The following PROM1 variants were observed in gnomAD, a reference collection of about 807,000 sequenced individuals.
The protein encoded by PROM1 is prominin-1.
Under a neutral mutation model 116.9 loss-of-function variants are expected in PROM1, and 105 were observed. The observed-to-expected ratio is 0.90, with a 90% CI of 0.77 to 1.06. PROM1 has a LOEUF of 1.06. PROM1 is among the 50% of genes least tolerant of loss of function. The pLI is 0.00. For synonymous variants in PROM1, 393 were observed against 387.0 expected (o/e 1.02, Z -0.18); for missense variants, 1,122 against 1,045.2 (o/e 1.07, Z -1.01).
At chr4:16,040,924 A>G (rs997654603) in intron 2 of PROM1, among the ~76,000 whole-genome samples, 4 of 152,330 alleles carry the variant, frequency 2.6e-5, no homozygotes, top group Admixed American at 2.6e-4. Flanking sequence ...AAACAAAAAC[A>G]AAATGAAAAA....
At chr4:16,031,352 A>T (rs950332419) in intron 5 of PROM1, among the ~76,000 whole-genome samples, 1 of 152,022 alleles carries the variant, frequency 6.6e-6, no homozygotes, top group Non-Finnish European at 1.5e-5. Context: ...GCTTACAGGA[A>T]ACACACCAGG....
intron 3 of PROM1, among the ~76,000 whole-genome samples, chr4:16,037,200 C>T (rs547383570): frequency 6.6e-6 from 1 of 152,280 alleles, no homozygotes; most frequent in East Asian, 1.9e-4. Context: ...GGCATTCGGG[C>T]TGGCTAAGCA....
At chr4:15,999,077 T>C (rs994322776) in intron 14 of PROM1, among the ~76,000 whole-genome samples, 5 of 151,962 alleles carry the variant, frequency 3.3e-5, no homozygotes, top group South Asian at 2.1e-4. Context: ...ACATTATAAA[T>C]AGAAGCAGAG....
In PROM1 at chr4:16,033,382, T is replaced by C. The variant is rs780085969; in HGVS notation, c.431A>G (p.His144Arg). The C allele has an allele frequency of 1.9e-6, 3 of 1,613,938 alleles. No homozygotes were observed. In the South Asian group the frequency reaches 3.3e-5, roughly 18 times the overall value. ...RCCNKCGGEM[H>R]QRQKENGPFL... is the part of the protein sequence containing the mutation. ...GGGCCCATTTTCCTTCTGTCGCTGG[T>C]GCATTTCTCCACCACATTTGTTACA... Residue 144 changes from histidine (H) to arginine (R), a missense_variant, in exon 5 of 28, where the codon CAC (histidine) becomes CGC (arginine). Coordinates refer to ENST00000447510, the MANE Select transcript of PROM1 (RefSeq NM_006017.3).
At chr4:16,073,515 A>G (rs1447053513) in intron 2 of PROM1, among the ~76,000 whole-genome samples, 2 of 152,218 alleles carry the variant, frequency 1.3e-5, no homozygotes, top group Non-Finnish European at 2.9e-5. Flanking sequence ...ACTAGGTGAA[A>G]GAATACAAAT....
At chr4:15,973,097 A>G (rs1360987728) in intron 26 of PROM1, among the ~76,000 whole-genome samples, 2 of 152,168 alleles carry the variant, frequency 1.3e-5, no homozygotes, top group East Asian at 3.8e-4. Flanking sequence ...TTTATGTAGC[A>G]TTCCCCGGGA....
chr4:15,977,071 G>A (rs1310536152), intron 26 of PROM1, among the ~76,000 whole-genome samples: 2 of 152,312 alleles, frequency 1.3e-5, no homozygotes, highest in Admixed American at 6.5e-5. Context: ...GCTTTGGCAG[G>A]CCAACCTTGA....
chr4:15,996,758 T>G (rs1464190568), intron 15 of PROM1, among the ~76,000 whole-genome samples: 2 of 152,168 alleles, frequency 1.3e-5, no homozygotes, highest in Non-Finnish European at 2.9e-5. Flanking sequence ...CTAAGCTATA[T>G]AATAACGCTA....
At chr4:16,018,146 C>G (rs1183837431) in intron 9 of PROM1, among the ~76,000 whole-genome samples, 177 bp downstream of exon 9, 1 of 152,148 alleles carries the variant, frequency 6.6e-6, no homozygotes, top group East Asian at 1.9e-4. Flanking sequence ...TACTCCTTTG[C>G]TCCTGCTGTG....
intron 2 of PROM1, among the ~76,000 whole-genome samples, chr4:16,065,376 C>A (rs1393296991): frequency 6.6e-6 from 1 of 152,222 alleles, no homozygotes; most frequent in Non-Finnish European, 1.5e-5. Flanking sequence ...CTCTTCCACA[C>A]ACTCATAGCT....
At chr4:15,989,672 A>G (rs929639559) in intron 19 of PROM1, 60 bp downstream of exon 19, 20 of 1,373,136 alleles carry the variant, frequency 1.5e-5, no homozygotes, top group Admixed American at 3.9e-5. Flanking sequence ...ATGAAAGCCA[A>G]CTAGCTGCAG....
Position 16,008,961 on chromosome 4 carries a change from T to C in PROM1, c.1289A>G (p.Tyr430Cys), listed in dbSNP as rs1324976779. The change falls in exon 12 of 28, where the codon TAT becomes TGT. Residue 430 changes from tyrosine to cysteine, a missense_variant. Coordinates refer to ENST00000447510, the MANE Select transcript of PROM1 (RefSeq NM_006017.3). Reference protein sequence around the residue: ...IHRNLPTLEEYDSYWWLGGLV... With the variant: ...IHRNLPTLEECDSYWWLGGLV... ...AGGAGACACTCACCAGTATGAATCA[T>C]ACTCTTCCAATGTAGGTAAATTTCT... 2 of 1,588,852 alleles carry C rather than the reference T, an allele frequency of 1.3e-6. No individual in the cohort carries two copies. Among genetic ancestry groups the C allele is most frequent in the East Asian group, 2.2e-5 (1 of 44,722 alleles).
intron 20 of PROM1, among the ~76,000 whole-genome samples, chr4:15,986,946 G>A (rs1286262937): frequency 1.3e-5 from 2 of 152,220 alleles, no homozygotes; most frequent in East Asian, 1.9e-4. Context: ...GATACAAGAT[G>A]AATACAACCC....
intron 27 of PROM1, among the ~76,000 whole-genome samples, 152 bp downstream of exon 27, chr4:15,970,891 G>A: frequency 6.6e-6 from 1 of 152,054 alleles, no homozygotes; most frequent in East Asian, 1.9e-4. Flanking sequence ...AGGTACAGAG[G>A]GTGGACTGGA....
chr4:16,008,328 G>A (rs574580535), intron 12 of PROM1, among the ~76,000 whole-genome samples: 101 of 152,174 alleles, frequency 6.6e-4, no homozygotes, highest in African/African-American at 2.1e-3. Flanking sequence ...CCCTCACCCC[G>A]GGTGAAACCC....
intron 1 of PROM1, chr4:16,080,505 G>A (rs1744843013): frequency 6.6e-6 from 1 of 151,960 alleles, no homozygotes; most frequent in South Asian, 2.1e-4. Flanking sequence ...CTGGGTGACA[G>A]AGACTCCATC....
At chr4:16,042,281 C>T (rs1036256347) in intron 2 of PROM1, among the ~76,000 whole-genome samples, 16 of 152,172 alleles carry the variant, frequency 1.1e-4, no homozygotes, top group Admixed American at 3.9e-4. Context: ...GCCTTTCTAA[C>T]GTGATCAGTA....
At chr4:16,012,858 G>A (rs1183411253) in intron 11 of PROM1, among the ~76,000 whole-genome samples, 8 of 125,746 alleles carry the variant, frequency 6.4e-5, no homozygotes, top group African/African-American at 1.5e-4. Flanking sequence ...GCGACAGAGC[G>A]AGACTCTGTC....
rs1174438874 is a variant in PROM1, at chr4:15,979,429, G to C, written c.2548C>G (p.His850Asp). The C allele has an allele frequency of 1.9e-6, 3 of 1,612,362 alleles. No homozygotes were observed. The highest frequency in any genetic ancestry group is 3.4e-5 in the Admixed American group (2 of 59,692). The change falls in exon 26 of 28, where the codon CAT becomes GAT. Residue 850 changes from histidine to aspartate, a missense_variant. Coordinates refer to ENST00000447510, the MANE Select transcript of PROM1 (RefSeq NM_006017.3). ...ACAGGATTGTGAATACCATATACAT[G>C]ATCTTTATGATAACCATTATTACCA... ...ENGNNGYHKD[H>D]VYGIHNPVMT...
Sources: gnomAD v4.1 joint callset for allele counts (sites outside exome capture counted in the v4.1 genomes callset) on GRCh38, gnomAD v4.1.1 for gene constraint, MANE v1.5 for transcripts, NCBI Gene and HGNC (gene_info 2026-07-23, HGNC 2026-07-21) for gene names.